The following NEO1 variants were observed in gnomAD, a reference collection of about 807,000 sequenced individuals.
NEO1 encodes neogenin 1.
In NEO1, 63 loss-of-function variants were observed where a neutral mutation model predicts 159.7. That is an observed-to-expected ratio of 0.39 (90% confidence interval 0.32 to 0.49). The LOEUF is 0.49. Among genes scored for constraint, NEO1 ranks in the 20% least tolerant of loss-of-function variants. NEO1 has a pLI of 0.85. For missense variants in NEO1, 1,615 were observed against 1,831.0 expected (o/e 0.88, Z 2.15); for synonymous variants, 633 against 662.0 (o/e 0.96, Z 0.67).
At chr15:73,196,915 C>G (rs1345388057) in intron 7 of NEO1, among the ~76,000 whole-genome samples, 1 of 152,160 alleles carries the variant, frequency 6.6e-6, no homozygotes, top group African/African-American at 2.4e-5. Context: ...CATGCGTGGT[C>G]AGTTTTTTTG....
intron 9 of NEO1, among the ~76,000 whole-genome samples, chr15:73,245,187 A>T (rs574189553): frequency 6.6e-6 from 1 of 152,174 alleles, no homozygotes; most frequent in Admixed American, 6.5e-5. Context: ...TGTAGCAAAG[A>T]CAGAGCCTTT....
chr15:73,206,725 A>C (rs2037249785), intron 7 of NEO1, among the ~76,000 whole-genome samples: 1 of 151,514 alleles, frequency 6.6e-6, no homozygotes, highest in South Asian at 2.1e-4. Flanking sequence ...TTAGCTGTAG[A>C]TTTTCTCTAT....
rs188939727 is a variant in NEO1 at position 73,243,592 on chromosome 15, G to A, written c.1452-752G>A. 8.2e-4 allele frequency among the ~76,000 whole-genome samples: 125 copies of A among 152,244 alleles called. 2 individuals carry two copies. Among genetic ancestry groups the A allele is most frequent in the Non-Finnish European group, 1.6e-3 (107 of 68,014 alleles). ...AGACTGAGCATGTTTGTGGACCTGT[G>A]TTGGTCACACAGACCCCAAGACAGA... On this transcript the variant is annotated intron_variant, in intron 8 of 28. Coordinates refer to ENST00000261908, the MANE Select transcript of NEO1 (RefSeq NM_002499.4).
At chr15:73,170,646 A>G (rs974387714) in intron 5 of NEO1, among the ~76,000 whole-genome samples, 1 of 152,194 alleles carries the variant, frequency 6.6e-6, no homozygotes, top group Non-Finnish European at 1.5e-5. Flanking sequence ...TAATACTTAA[A>G]TGAAAAATCC....
chr15:73,082,256 A>G lies in NEO1; in HGVS notation c.130+29451A>G, dbSNP rs143129287. ...AGTCGAGTCTACTTAAGCTCTTTAG[A>G]TATGTAACATTTTCCTCCCCTAAGT... On this transcript the variant is annotated intron_variant, in intron 1 of 28. Coordinates refer to ENST00000261908, the MANE Select transcript of NEO1 (RefSeq NM_002499.4). 4.6e-4 allele frequency among the ~76,000 whole-genome samples: 70 copies of G among 152,270 alleles called. No homozygotes were observed. In the East Asian group the frequency reaches 0.013, roughly 27 times the overall value.
At chr15:73,228,354 A>G (rs1370207237) in intron 7 of NEO1, among the ~76,000 whole-genome samples, 1 of 150,042 alleles carries the variant, frequency 6.7e-6, no homozygotes, top group African/African-American at 2.5e-5. Context: ...TCATGTGCTT[A>G]TTCTATGTTT....
chr15:73,253,330 A>G (rs1035779625), intron 11 of NEO1, 70 bp from the exon 12 acceptor site: 18 of 887,624 alleles, frequency 2.0e-5, no homozygotes, highest in African/African-American at 3.3e-5. Flanking sequence ...AGTCCAGCCA[A>G]GATGATCACA....
chr15:73,266,210 G>C, intron 15 of NEO1, 106 bp from the exon 16 acceptor site: 1 of 805,662 alleles, frequency 1.2e-6, no homozygotes, highest in Non-Finnish European at 1.9e-6. Context: ...AATTTTTAAA[G>C]TTGTCTTTCT....
At position 73,052,816 on chromosome 15, in the gene NEO1, G is replaced by A; in HGVS notation, c.130+11G>A. Reference sequence around the variant, plus strand: ...CGCCGCAGTCCCCAGGTAAGCGGCGGGCGCGGGCCCGGGGGTTCGCGGGGG... The same window carrying A: ...CGCCGCAGTCCCCAGGTAAGCGGCGAGCGCGGGCCCGGGGGTTCGCGGGGG... On this transcript the variant is annotated intron_variant, in intron 1 of 28. Coordinates refer to ENST00000261908, the MANE Select transcript of NEO1 (RefSeq NM_002499.4). 1.2e-6 allele frequency: 1 copy of A among 866,262 alleles called. No homozygotes were observed. The highest frequency in any genetic ancestry group is 1.4e-6 in the Non-Finnish European group (1 of 704,708). 53.7% of individuals were successfully genotyped at this position (866,262 alleles called of 1,614,324 possible). A position where few individuals can be genotyped will look rare whatever the true frequency, so the allele number is the denominator to read the frequency against.
intron 1 of NEO1, among the ~76,000 whole-genome samples, chr15:73,099,280 G>A (rs1327461739): frequency 3.3e-5 from 5 of 152,114 alleles, no homozygotes; most frequent in Admixed American, 1.3e-4. Context: ...AGAGCTCAAC[G>A]AATGAATGAA....
chr15:73,290,224 A>AT (rs34114271), intron 25 of NEO1, among the ~76,000 whole-genome samples: 2,879 of 82,256 alleles, frequency 0.035, 592 homozygotes, highest in African/African-American at 0.04. Flanking sequence ...ACTGTGTGGA[A>AT]TTTTTTTTTT....
At position 73,158,104 on chromosome 15, in the gene NEO1, A is replaced by G. The variant is rs879909267; in HGVS notation, c.1016-18299A>G. Among the ~76,000 whole-genome samples, 6 of 149,610 alleles carry G rather than the reference A, an allele frequency of 4.0e-5. 1 individual carries two copies. The highest frequency in any genetic ancestry group is 8.9e-5 in the Non-Finnish European group (6 of 67,740). On this transcript the variant is annotated intron_variant, in intron 5 of 28. Transcript: ENST00000261908. Reference sequence around the variant, plus strand: ...GTAGTGCATGCCTGTAGTTCCAGCTACTCCTGAGGCTGAGACAGGAGAATT... The same window carrying G: ...GTAGTGCATGCCTGTAGTTCCAGCTGCTCCTGAGGCTGAGACAGGAGAATT...
chr15:73,052,873 G>T, intron 1 of NEO1, 68 bp downstream of exon 1: 1 of 233,036 alleles, frequency 4.3e-6, no homozygotes, highest in Non-Finnish European at 7.2e-6. Context: ...CGCGGCTGCG[G>T]TGTTTTTGTT....
chr15:73,289,770 C>T (rs1190074785), intron 25 of NEO1, among the ~76,000 whole-genome samples: 1 of 151,918 alleles, frequency 6.6e-6, no homozygotes, highest in Non-Finnish European at 1.5e-5. Context: ...TAGTGGGACC[C>T]CATCTCTACC....
intron 5 of NEO1, among the ~76,000 whole-genome samples, chr15:73,163,766 G>A (rs1245626298): frequency 6.6e-6 from 1 of 152,082 alleles, no homozygotes; most frequent in Non-Finnish European, 1.5e-5. Context: ...CACTTTGATT[G>A]GGAAGGCTGT....
chr15:73,235,454 G>T (rs945240390), intron 7 of NEO1, among the ~76,000 whole-genome samples: 1 of 152,176 alleles, frequency 6.6e-6, no homozygotes, highest in African/African-American at 2.4e-5. Context: ...AAGTTATGAA[G>T]TTACCCATGG....
rs561079344 is a variant in NEO1 at position 73,197,458 on chromosome 15, G to A, written c.1291+19031G>A. Among the ~76,000 whole-genome samples, 40 of 152,196 alleles carry A rather than the reference G, an allele frequency of 2.6e-4. 2 individuals are homozygous for A. The South Asian group carries it at 7.7e-3, about 29-fold the overall frequency. On this transcript the variant is annotated intron_variant, in intron 7 of 28. Transcript: ENST00000261908. ...TATATTCAGAAGCTATGTTGTTAATGCATTAGGAATTATGACTTACCTTCC... is the reference window on the plus strand; with the variant it reads ...TATATTCAGAAGCTATGTTGTTAATACATTAGGAATTATGACTTACCTTCC...
chr15:73,117,049 CTG>C (rs1159473973), intron 2 of NEO1, among the ~76,000 whole-genome samples, 192 bp downstream of exon 2: 1 of 152,164 alleles, frequency 6.6e-6, no homozygotes, highest in African/African-American at 2.4e-5. Context: ...AGAGAATAAA[CTG>C]TAGCGTGTTT....
intron 14 of NEO1, 87 bp downstream of exon 14, chr15:73,258,963 G>A (rs1177010788): frequency 9.0e-7 from 1 of 1,106,106 alleles, no homozygotes; most frequent in Non-Finnish European, 1.4e-6. Context: ...GACTTGGGGT[G>A]GATATGGCTC....
Sources: gnomAD v4.1 joint callset for allele counts (sites outside exome capture counted in the v4.1 genomes callset) on GRCh38, gnomAD v4.1.1 for gene constraint, MANE v1.5 for transcripts, NCBI Gene and HGNC (gene_info 2026-07-23, HGNC 2026-07-21) for gene names.